AGBL4: variants seen among roughly 807,000 people sequenced by gnomAD.
The protein encoded by AGBL4 is AGBL carboxypeptidase 4, also known as cytosolic carboxypeptidase 6.
Under a neutral mutation model 66.4 loss-of-function variants are expected in AGBL4, and 58 were observed. The ratio of observed to expected loss-of-function variants is 0.87; its 90% CI spans 0.71 to 1.09. The LOEUF is 1.09. AGBL4 is among the 50% of genes least tolerant of loss of function. The probability of loss-of-function intolerance (pLI) is 0.00; values close to 1 mark genes in which losing one functional copy is unlikely to be tolerated. For synonymous variants in AGBL4, 234 were observed against 222.9 expected (o/e 1.05, Z -0.44); for missense variants, 579 against 631.0 (o/e 0.92, Z 0.88).
chr1:50,010,851 A>G (rs937115417), intron 1 of AGBL4, among the ~76,000 whole-genome samples: 1 of 152,350 alleles, frequency 6.6e-6, no homozygotes, highest in Non-Finnish European at 1.5e-5. Flanking sequence ...CTAAGAAATC[A>G]AACTATAAAA....
chr1:49,890,201 A>G (rs1648498993), intron 1 of AGBL4, among the ~76,000 whole-genome samples: 1 of 152,240 alleles, frequency 6.6e-6, no homozygotes, highest in African/African-American at 2.4e-5. Flanking sequence ...TGAGGCTTAA[A>G]CGGTTAACTT....
chr1:48,743,433 T>C (rs1427514853), intron 6 of AGBL4, among the ~76,000 whole-genome samples: 1 of 152,224 alleles, frequency 6.6e-6, no homozygotes. Context: ...TTTTTCTCCA[T>C]TAGCTTTTAA....
intron 3 of AGBL4, among the ~76,000 whole-genome samples, chr1:49,466,721 A>T (rs1216477593): frequency 6.6e-6 from 1 of 151,836 alleles, no homozygotes; most frequent in Non-Finnish European, 1.5e-5. Flanking sequence ...CAAACCACAC[A>T]TGGGATATCT....
At chr1:48,579,754 C>CAAA (rs542996148) in intron 11 of AGBL4, among the ~76,000 whole-genome samples, 2 of 124,842 alleles carry the variant, frequency 1.6e-5, no homozygotes, top group African/African-American at 2.9e-5. Context: ...ACTAAAAATA[C>CAAA]AAAAAAAAAA....
intron 5 of AGBL4, among the ~76,000 whole-genome samples, chr1:48,880,183 C>G (rs1649644116): frequency 6.6e-6 from 1 of 152,122 alleles, no homozygotes; most frequent in Non-Finnish European, 1.5e-5. Context: ...ATCCTTATAG[C>G]TTAGCTACCA....
chr1:49,829,350 G>C (rs1343484834), intron 2 of AGBL4, among the ~76,000 whole-genome samples: 1 of 152,152 alleles, frequency 6.6e-6, no homozygotes, highest in Non-Finnish European at 1.5e-5. Flanking sequence ...GAGACAGGGG[G>C]AGAATGAAGA....
chr1:49,072,085 C>T (rs1354693593), intron 4 of AGBL4, among the ~76,000 whole-genome samples: 4 of 152,094 alleles, frequency 2.6e-5, no homozygotes, highest in Admixed American at 6.6e-5. Context: ...TCTTTGCTTT[C>T]CATTTGCCTG....
At chr1:49,596,797 G>A (rs913117368) in intron 3 of AGBL4, among the ~76,000 whole-genome samples, 1 of 152,076 alleles carries the variant, frequency 6.6e-6, no homozygotes, top group East Asian at 1.9e-4. Flanking sequence ...AAGCAACAAT[G>A]GTCCATTTTC....
At chr1:49,791,168 G>C (rs1644589531) in intron 2 of AGBL4, among the ~76,000 whole-genome samples, 1 of 152,040 alleles carries the variant, frequency 6.6e-6, no homozygotes, top group Admixed American at 6.6e-5. Flanking sequence ...TTTCATAAGT[G>C]AAGCATGCAT....
chr1:50,013,308 A>C (rs1043385056), intron 1 of AGBL4, among the ~76,000 whole-genome samples: 14 of 152,180 alleles, frequency 9.2e-5, no homozygotes, highest in Non-Finnish European at 1.6e-4. Context: ...TATAGGGGAA[A>C]GTTTCTCTCG....
intron 6 of AGBL4, among the ~76,000 whole-genome samples, chr1:48,810,981 G>A (rs1379282875): frequency 1.3e-5 from 2 of 152,164 alleles, no homozygotes; most frequent in East Asian, 3.8e-4. Context: ...GGACAACAAT[G>A]CTTGTAACTG....
Position 49,836,737 on chromosome 1 carries a change from T to C in AGBL4, c.157+14659A>G, listed in dbSNP as rs537352020. On this transcript the variant is annotated intron_variant, in intron 2 of 13. Coordinates refer to ENST00000371839, the MANE Select transcript of AGBL4 (RefSeq NM_032785.4). ...ATTTATATACCTTTGGTCTTTGACG[T>C]TGGTGACCTTCGGATGGGGTTGTTG... Among the ~76,000 whole-genome samples, 43 of 152,348 alleles carry C rather than the reference T, an allele frequency of 2.8e-4. No homozygotes were observed. The South Asian group carries it at 4.1e-3, about 15-fold the overall frequency.
At chr1:48,901,953 A>G (rs1225625356) in intron 5 of AGBL4, among the ~76,000 whole-genome samples, 5 of 152,208 alleles carry the variant, frequency 3.3e-5, no homozygotes, top group African/African-American at 1.2e-4. Flanking sequence ...AGGCCTCACA[A>G]TCATGGCGGA....
chr1:48,952,415 G>C (rs894914996), intron 5 of AGBL4, among the ~76,000 whole-genome samples: 1 of 152,176 alleles, frequency 6.6e-6, no homozygotes, highest in African/African-American at 2.4e-5. Flanking sequence ...AAATAAATCA[G>C]AATGATATGA....
At chr1:49,206,074 A>C (rs1648105890) in intron 4 of AGBL4, among the ~76,000 whole-genome samples, 2 of 152,170 alleles carry the variant, frequency 1.3e-5, no homozygotes, top group Admixed American at 1.3e-4. Context: ...CATTAGCCAA[A>C]AATGAATACA....
At chr1:49,083,971 A>G (rs982576459) in intron 4 of AGBL4, among the ~76,000 whole-genome samples, 9 of 152,250 alleles carry the variant, frequency 5.9e-5, no homozygotes, top group African/African-American at 2.2e-4. Context: ...AAATGCTGCC[A>G]GTCTCTTTGC....
intron 3 of AGBL4, among the ~76,000 whole-genome samples, chr1:49,337,432 T>C (rs774383769): frequency 1.3e-5 from 2 of 152,228 alleles, no homozygotes; most frequent in Non-Finnish European, 2.9e-5. Context: ...CTCAAAGCCA[T>C]TAACACCATA....
chr1:49,361,868 C>T (rs767626603), intron 3 of AGBL4, among the ~76,000 whole-genome samples: 3 of 152,224 alleles, frequency 2.0e-5, no homozygotes. Context: ...ACCTCCAACC[C>T]TGGCCTCTCC....
intron 3 of AGBL4, among the ~76,000 whole-genome samples, chr1:49,419,035 G>T (rs1645486921): frequency 6.6e-6 from 1 of 152,250 alleles, no homozygotes; most frequent in East Asian, 1.9e-4. Flanking sequence ...ATTAGGAAGG[G>T]AAAGGATGGA....
Sources: allele counts gnomAD v4.1 joint callset (sites outside exome capture counted in the v4.1 genomes callset), GRCh38; gene constraint gnomAD v4.1.1; transcripts MANE v1.5; gene names NCBI Gene and HGNC (gene_info 2026-07-23, HGNC 2026-07-21).